The following HERC3 variants were observed in gnomAD, a reference collection of about 807,000 sequenced individuals.
The protein encoded by HERC3 is probable E3 ubiquitin-protein ligase HERC3.
A neutral mutation model predicts 129.9 loss-of-function variants in HERC3; 58 were observed. That is an observed-to-expected ratio of 0.45 (90% CI 0.36 to 0.56). The LOEUF is 0.56. HERC3 is among the 20% of genes least tolerant of loss of function. The probability of loss-of-function intolerance (pLI) is 0.00; values close to 1 mark genes in which losing one functional copy is unlikely to be tolerated. For missense variants in HERC3, 835 were observed against 1,244.2 expected (o/e 0.67, Z 4.95); for synonymous variants, 430 against 451.0 (o/e 0.95, Z 0.59).
chr4:88,614,257 A>G (rs1014825053), intron 3 of HERC3, among the ~76,000 whole-genome samples: 12 of 152,150 alleles, frequency 7.9e-5, no homozygotes, highest in African/African-American at 2.9e-4. Context: ...GGTCAGTATT[A>G]TTATCCAAGG....
chr4:88,585,399 G>A, the HERC3 span, among the ~76,000 whole-genome samples: 1 of 152,108 alleles, frequency 6.6e-6, no homozygotes, highest in Non-Finnish European at 1.5e-5. Context: ...TAGTGAAGGT[G>A]ATTGGACCAT....
chr4:88,700,085 C>T (rs572290903), intron 23 of HERC3, among the ~76,000 whole-genome samples: 8 of 135,434 alleles, frequency 5.9e-5, no homozygotes, highest in African/African-American at 2.7e-4. Flanking sequence ...GCCATTTGAG[C>T]CTGGCTTTTT....
the HERC3 span, among the ~76,000 whole-genome samples, chr4:88,534,566 G>T: frequency 2.6e-5 from 4 of 151,594 alleles, no homozygotes; most frequent in Middle Eastern, 3.4e-3. Flanking sequence ...ATCTCATACT[G>T]CAAGGCTTTT....
chr4:88,556,319 C>T, the HERC3 span, among the ~76,000 whole-genome samples: 1 of 152,124 alleles, frequency 6.6e-6, no homozygotes, highest in Non-Finnish European at 1.5e-5. Flanking sequence ...CAAACATTTG[C>T]AATAATGGGT....
At chr4:88,604,443 T>C (rs1375467082) in intron 2 of HERC3, among the ~76,000 whole-genome samples, 1 of 152,162 alleles carries the variant, frequency 6.6e-6, no homozygotes, top group East Asian at 1.9e-4. Flanking sequence ...GTACAGTCAC[T>C]CTCCATTCTC....
chr4:88,623,190 T>G (rs1560687241), intron 3 of HERC3, among the ~76,000 whole-genome samples: 1 of 152,228 alleles, frequency 6.6e-6, no homozygotes. Flanking sequence ...AAGTTTTTGA[T>G]GCAAGTGGCT....
chr4:88,662,549 C>T lies in HERC3; in HGVS notation c.1265C>T (p.Thr422Ile). The change falls in exon 11 of 26, where the codon ACA (threonine) becomes ATA (isoleucine). Residue 422 changes from threonine (T) to isoleucine (I), a missense_variant. Transcript: ENST00000402738. Reference protein sequence around the residue: ...QKLSEHNNANTINGVVQILSS... With the variant: ...QKLSEHNNANIINGVVQILSS... ...CTCTCAGAACACAACAATGCAAATA[C>T]AATCAAGTATGTGGCTGCTTGTCTT... The T allele has an allele frequency of 3.1e-6, 5 of 1,606,140 alleles. No homozygotes were observed. The highest frequency in any genetic ancestry group is 4.2e-6 in the Non-Finnish European group (5 of 1,177,930).
chr4:88,642,927 G>A (rs1198771532), intron 3 of HERC3, among the ~76,000 whole-genome samples: 2 of 151,576 alleles, frequency 1.3e-5, no homozygotes, highest in Non-Finnish European at 2.9e-5. Flanking sequence ...TGTGTGGGTG[G>A]CAGGGGGAAG....
chr4:88,679,972 A>G, intron 19 of HERC3, 121 bp from the exon 20 acceptor site: 1 of 760,792 alleles, frequency 1.3e-6, no homozygotes, highest in Non-Finnish European at 2.0e-6. Flanking sequence ...TCATTGCATC[A>G]GTGTGTATTC....
the HERC3 span, among the ~76,000 whole-genome samples, chr4:88,539,975 A>T: frequency 1.3e-5 from 2 of 152,176 alleles, no homozygotes; most frequent in Non-Finnish European, 2.9e-5. Context: ...AACCACAAAA[A>T]TGGGGAGAAA....
At position 88,652,021 on chromosome 4, in the gene HERC3, A is replaced by G. The variant is rs777365529; in HGVS notation, c.396A>G (p.Gln132=). ...EDSVAVPRLI[Q]KLNQQTILQV... The stretch of plus-strand genomic sequence containing the variant: ...GCCTTTTCTGTTTTAGGTTAATACA[A>G]AAGCTGAACCAGCAAACAATATTAC... Residue 132 remains glutamine, a synonymous_variant, in exon 5 of 26, where the codon CAA becomes CAG. Transcript: ENST00000402738. 2 of 1,613,144 alleles carry G rather than the reference A, an allele frequency of 1.2e-6. No individual in the cohort carries two copies. The highest frequency in any genetic ancestry group is 2.2e-5 in the South Asian group (2 of 91,038).
chr4:88,704,752 A>G (rs1735627437), intron 25 of HERC3, 142 bp downstream of exon 25: 1 of 616,748 alleles, frequency 1.6e-6, no homozygotes, highest in Non-Finnish European at 2.9e-6. Flanking sequence ...TTTTTGTCTT[A>G]ATGTTATCTC....
chr4:88,590,970 A>T (rs201019390), upstream of HERC3, among the ~76,000 whole-genome samples: 9 of 148,916 alleles, frequency 6.0e-5, no homozygotes, highest in East Asian at 1.8e-3. Context: ...GCTTACTGCA[A>T]CCTCCGCCTT....
the HERC3 span, among the ~76,000 whole-genome samples, chr4:88,542,034 G>T: frequency 4.6e-5 from 7 of 152,114 alleles, no homozygotes; most frequent in African/African-American, 1.7e-4. Flanking sequence ...ACAATTAAAA[G>T]AACTAGAGAA....
At chr4:88,586,610 C>T in the HERC3 span, among the ~76,000 whole-genome samples, 1 of 152,088 alleles carries the variant, frequency 6.6e-6, no homozygotes, top group Non-Finnish European at 1.5e-5. Context: ...CCACCCGCCT[C>T]CGCCTCCCAA....
the HERC3 span, among the ~76,000 whole-genome samples, chr4:88,574,707 A>T: frequency 6.6e-6 from 1 of 152,208 alleles, no homozygotes; most frequent in Non-Finnish European, 1.5e-5. Flanking sequence ...TCACTTTAGC[A>T]TAATGTCCTC....
chr4:88,686,599 G>T (rs768365893), intron 21 of HERC3, 137 bp from the exon 22 acceptor site: 3 of 581,078 alleles, frequency 5.2e-6, no homozygotes, highest in Non-Finnish European at 9.4e-6. Flanking sequence ...TTTTCTGTCC[G>T]TCCGGATTTA....
chr4:88,569,146 T>G, the HERC3 span, among the ~76,000 whole-genome samples: 1 of 152,200 alleles, frequency 6.6e-6, no homozygotes, highest in Non-Finnish European at 1.5e-5. Context: ...TTCTGACCAC[T>G]GGGATGGACA....
chr4:88,566,667 G>T, the HERC3 span, among the ~76,000 whole-genome samples: 1 of 152,160 alleles, frequency 6.6e-6, no homozygotes, highest in Non-Finnish European at 1.5e-5. Flanking sequence ...AACATTTCTT[G>T]TAGGATAAGT....
Sources: allele counts gnomAD v4.1 joint callset (sites outside exome capture counted in the v4.1 genomes callset), GRCh38; gene constraint gnomAD v4.1.1; transcripts MANE v1.5; gene names NCBI Gene and HGNC (gene_info 2026-07-23, HGNC 2026-07-21).